EDRF1: variants seen among roughly 807,000 people sequenced by gnomAD.
EDRF1 encodes the protein erythroid differentiation regulatory factor 1.
Under a neutral mutation model 148.7 loss-of-function variants are expected in EDRF1, and 69 were observed. The ratio of observed to expected loss-of-function variants is 0.46; its 90% CI spans 0.38 to 0.57. EDRF1 has a LOEUF of 0.57. Ranked by LOEUF, EDRF1 falls within the 20% of genes least tolerant of loss-of-function variation. The pLI is 0.00. For missense variants in EDRF1, 1,118 were observed against 1,478.7 expected, an observed-to-expected ratio of 0.76 and a Z score of 4.00; for synonymous variants, 515 against 532.8, an observed-to-expected ratio of 0.97 and a Z score of 0.46.
chr10:125,723,230 T>C (rs1848089950), intron 3 of EDRF1, 96 bp downstream of exon 3: 1 of 1,087,356 alleles, frequency 9.2e-7, no homozygotes, highest in Non-Finnish European at 1.4e-6. Flanking sequence ...TGTGCAAGTC[T>C]TGAGAAATTA....
At chr10:125,740,388 C>A (rs1421928076) in intron 15 of EDRF1, 75 bp from the exon 16 acceptor site, 1 of 1,476,858 alleles carries the variant, frequency 6.8e-7, no homozygotes, top group Non-Finnish European at 9.4e-7. Flanking sequence ...CATCAAGAAA[C>A]AGAAAATATT....
intron 22 of EDRF1, 146 bp from the exon 23 acceptor site, chr10:125,752,653 A>G (rs962417423): frequency 2.3e-5 from 14 of 621,004 alleles, no homozygotes; most frequent in Non-Finnish European, 4.0e-5. Flanking sequence ...AATATTATTA[A>G]ATAGAAGTTG....
In EDRF1 at chr10:125,743,098, T is replaced by C; in HGVS notation, c.2412T>C (p.Ser804=). Residue 804 remains serine (S), a synonymous_variant, in exon 18 of 25, where the codon AGT becomes AGC. Coordinates refer to ENST00000356792, the MANE Select transcript of EDRF1 (RefSeq NM_001202438.2). ...WATDLSTDLE[S]QLSVSCKCYE... ...CTGATTTGTCTACAGACTTAGAAAG[T>C]CAACTCTCTGTTAGTTGTAAATGTT... The C allele has an allele frequency of 6.2e-7, 1 of 1,613,974 alleles. No individual in the cohort carries two copies. Among genetic ancestry groups the C allele is most frequent in the Admixed American group, 1.7e-5 (1 of 60,030 alleles).
At chr10:125,760,189 C>T (rs1850128840) in intron 24 of EDRF1, among the ~76,000 whole-genome samples, 1 of 152,158 alleles carries the variant, frequency 6.6e-6, no homozygotes, top group Non-Finnish European at 1.5e-5. Context: ...TTTCTAACAG[C>T]AGTGGGTAAA....
At chr10:125,758,917 G>GT (rs937663044) in intron 24 of EDRF1, among the ~76,000 whole-genome samples, 4 of 152,046 alleles carry the variant, frequency 2.6e-5, no homozygotes, top group Middle Eastern at 3.2e-3. Context: ...CCTTCAGAGT[G>GT]TTTTTTTCTG....
In EDRF1 at chr10:125,719,722, T is replaced by C. The variant is rs1847878363; in HGVS notation, c.-86T>C. ...GACCGGAAGTGCGGTCCGCGGAGCG[T>C]CTCTGGCGCTTACCCTGCTTTGGGC... On this transcript the variant is annotated 5_prime_UTR_variant, in exon 1 of 25. Coordinates refer to ENST00000356792, the MANE Select transcript of EDRF1 (RefSeq NM_001202438.2). 1 of 1,020,572 alleles carries C rather than the reference T, an allele frequency of 9.8e-7. No homozygotes were observed. The highest frequency in any genetic ancestry group is 1.4e-6 in the Non-Finnish European group (1 of 699,864). The allele number at this position is 1,020,572 out of a possible 1,614,324, so 63.2% of individuals were successfully genotyped here. A position where few individuals can be genotyped will look rare whatever the true frequency, so the allele number is the denominator to read the frequency against.
At chr10:125,743,416 TAAG>T (rs1849137020) in intron 18 of EDRF1, 140 bp downstream of exon 18, 3 of 700,690 alleles carry the variant, frequency 4.3e-6, no homozygotes, top group Middle Eastern at 3.9e-4. Context: ...TTATTATTCT[TAAG>T]AAATAGAATT....
chr10:125,740,950 TA>T, intron 16 of EDRF1, 50 bp from the exon 17 acceptor site: 3 of 1,555,938 alleles, frequency 1.9e-6, no homozygotes, highest in Non-Finnish European at 2.7e-6. Context: ...CTATGATCAT[TA>T]ATTTTTTTCT....
At chr10:125,751,413 T>TG (rs1287427040) in intron 22 of EDRF1, among the ~76,000 whole-genome samples, 10 of 150,840 alleles carry the variant, frequency 6.6e-5, no homozygotes, top group Non-Finnish European at 5.9e-5. Flanking sequence ...TGTTTTTTTT[T>TG]TTGTTTTTTT....
intron 7 of EDRF1, 37 bp downstream of exon 7, chr10:125,729,141 C>T (rs1848389870): frequency 6.5e-7 from 1 of 1,528,214 alleles, no homozygotes. Context: ...ACAGCAAATC[C>T]CCAGTCTACT....
At chr10:125,749,341 C>G in intron 21 of EDRF1, 71 bp from the exon 22 acceptor site, 1 of 1,581,800 alleles carries the variant, frequency 6.3e-7, no homozygotes, top group Non-Finnish European at 8.7e-7. Context: ...GGAAAAATAA[C>G]TAAGAAGCAC....
At position 125,747,589 on chromosome 10, in the gene EDRF1, C is replaced by A; in HGVS notation, c.2868C>A (p.His956Gln). The A allele has an allele frequency of 6.2e-7, 1 of 1,614,160 alleles. No homozygotes were observed. The highest frequency in any genetic ancestry group is 8.5e-7 in the Non-Finnish European group (1 of 1,180,016). ...GGTCATTGGGAACACGAGACATACA[C>A]CCAGCTGTTTGGGATTCAGTGAACT... ...ALRSLGTRDI[H>Q]PAVWDSVNWE... The change falls in exon 20 of 25, where the codon CAC (histidine) becomes CAA (glutamine). Residue 956 changes from histidine to glutamine, a missense_variant. Physicochemically the swap from His to Gln is conservative, Grantham distance 24. Transcript: ENST00000356792.
At chr10:125,733,971 C>A in intron 11 of EDRF1, 101 bp from the exon 12 acceptor site, 1 of 1,050,824 alleles carries the variant, frequency 9.5e-7, no homozygotes, top group Non-Finnish European at 1.5e-6. Context: ...TTTGTTGTTT[C>A]TTATAGCTCT....
At chr10:125,755,158 A>C (rs969229130) in intron 24 of EDRF1, among the ~76,000 whole-genome samples, 3 of 152,196 alleles carry the variant, frequency 2.0e-5, no homozygotes, top group Admixed American at 1.3e-4. Context: ...GCCTTTATCA[A>C]GTTGAGGATG....
At chr10:125,725,576 A>G in intron 5 of EDRF1, 106 bp from the exon 6 acceptor site, 1 of 1,569,416 alleles carries the variant, frequency 6.4e-7, no homozygotes, top group Non-Finnish European at 8.7e-7. Context: ...TTTCTTTTTT[A>G]CAAGATGTAT....
intron 6 of EDRF1, among the ~76,000 whole-genome samples, chr10:125,728,635 G>A (rs1848368465): frequency 6.6e-6 from 1 of 152,150 alleles, no homozygotes; most frequent in Non-Finnish European, 1.5e-5. Context: ...TGGACTACAA[G>A]CACATGCCAT....
intron 19 of EDRF1, among the ~76,000 whole-genome samples, chr10:125,746,223 T>G (rs781638648): frequency 6.6e-6 from 1 of 152,180 alleles, no homozygotes; most frequent in Admixed American, 6.5e-5. Flanking sequence ...ACTGTAAAAG[T>G]ATTAGAAGAA....
chr10:125,750,878 A>C (rs1348649567), intron 22 of EDRF1, among the ~76,000 whole-genome samples: 1 of 152,172 alleles, frequency 6.6e-6, no homozygotes, highest in African/African-American at 2.4e-5. Context: ...TTTCACTTGC[A>C]CCTTTGAATA....
intron 24 of EDRF1, among the ~76,000 whole-genome samples, chr10:125,755,734 G>A (rs910798565): frequency 2.0e-5 from 3 of 152,200 alleles, no homozygotes; most frequent in African/African-American, 7.2e-5. Context: ...CATCTAAATT[G>A]TCAAATGTAT....
Sources: gnomAD v4.1 joint callset for allele counts (sites outside exome capture counted in the v4.1 genomes callset) on GRCh38, gnomAD v4.1.1 for gene constraint, MANE v1.5 for transcripts, NCBI Gene and HGNC (gene_info 2026-07-23, HGNC 2026-07-21) for gene names.